DIRAS2: variants seen among roughly 807,000 people sequenced by gnomAD.
DIRAS2 encodes the protein DIRAS family GTPase 2, also known as GTP-binding protein Di-Ras2.
In DIRAS2, 5 loss-of-function variants were observed where a neutral mutation model predicts 13.9. That is an observed-to-expected ratio of 0.36 (90% confidence interval 0.19 to 0.76). The LOEUF (loss-of-function observed/expected upper bound fraction) is 0.76. Ranked by LOEUF, DIRAS2 falls within the 30% of genes least tolerant of loss-of-function variation. The pLI is 0.53. For synonymous variants in DIRAS2, 111 were observed against 105.4 expected (o/e 1.05, Z -0.33); for missense variants, 191 against 263.0 (o/e 0.73, Z 1.89).
At chr9:90,642,608 C>G (rs1436056336) in intron 1 of DIRAS2, 144 bp downstream of exon 1, 1 of 153,006 alleles carries the variant, frequency 6.5e-6, no homozygotes, top group Non-Finnish European at 1.5e-5. Flanking sequence ...GATTTCTTCC[C>G]CTCTTACCAA....
chr9:90,638,597 G>A (rs1825391501), intron 1 of DIRAS2, among the ~76,000 whole-genome samples: 1 of 151,958 alleles, frequency 6.6e-6, no homozygotes, highest in Non-Finnish European at 1.5e-5. Flanking sequence ...TCAGATGATT[G>A]TTTTATAGGC....
intron 1 of DIRAS2, among the ~76,000 whole-genome samples, chr9:90,616,916 G>T (rs527353010): frequency 6.6e-6 from 1 of 152,088 alleles, no homozygotes; most frequent in South Asian, 2.1e-4. Context: ...GCCCCACTTC[G>T]CAGATGCTGT....
chr9:90,618,735 A>G (rs1304357619), intron 1 of DIRAS2, among the ~76,000 whole-genome samples: 1 of 152,260 alleles, frequency 6.6e-6, no homozygotes, highest in Non-Finnish European at 1.5e-5. Context: ...AGACTTAAAA[A>G]GACATTTCTC....
rs752384572 is a variant in DIRAS2 at position 90,613,247 on chromosome 9, C to G, written c.581G>C (p.Gly194Ala). 1 of 1,613,452 alleles carries G rather than the reference C, an allele frequency of 6.2e-7. No individual in the cohort carries two copies. Among genetic ancestry groups the G allele is most frequent in the Non-Finnish European group, 8.5e-7 (1 of 1,179,810 alleles). The part of the protein sequence containing the change: ...KQQKRKEKLK[G>A]KCVIM ...GGGCCTTCACATGATCACGCACTTG[C>G]CTTTGAGCTTCTCTTTCCTTTTCTG... is the stretch of plus-strand genomic sequence containing the variant. Residue 194 changes from glycine (G) to alanine (A), a missense_variant, in exon 2 of 2, where the codon GGC becomes GCC. Transcript: ENST00000375765. This position sits in a 1 kb window ranked among gnomAD's most constrained non-coding sequence, Gnocchi z 5.6.
Position 90,610,347 on chromosome 9 carries a change from G to A in DIRAS2, c.*2881C>T, listed in dbSNP as rs1825098834. ...GATAAATTATATATTTTATATACATGTAATTTTAGATAGAATGAACAATTC... is the reference window on the plus strand; with the variant it reads ...GATAAATTATATATTTTATATACATATAATTTTAGATAGAATGAACAATTC... On this transcript the variant is annotated 3_prime_UTR_variant, in exon 2 of 2. Coordinates refer to ENST00000375765, the MANE Select transcript of DIRAS2 (RefSeq NM_017594.5). 1.5e-5 allele frequency: 6 copies of A among 398,800 alleles called. No individual in the cohort carries two copies. Among genetic ancestry groups the A allele is most frequent in the Non-Finnish European group, 1.8e-5 (4 of 226,010 alleles). The allele number at this position is 398,800 out of a possible 1,614,324, so 24.7% of individuals were successfully genotyped here. A position where few individuals can be genotyped will look rare whatever the true frequency, so the allele number is the denominator to read the frequency against.
In DIRAS2 at chr9:90,610,977, C is replaced by T. The variant is rs1157301048; in HGVS notation, c.*2251G>A. 6.6e-6 allele frequency: 1 copy of T among 152,190 alleles called. No homozygotes were observed. Among genetic ancestry groups the T allele is most frequent in the African/African-American group, 2.4e-5 (1 of 41,444 alleles). The allele number at this position is 152,190 out of a possible 1,614,324, so 9.4% of individuals were successfully genotyped here. ...TGGGATGGTTTGCAGGAATATCTCA[C>T]ATTAAAACCTTATTAATACTACAGT... On this transcript the variant is annotated 3_prime_UTR_variant, in exon 2 of 2. Transcript: ENST00000375765.
At position 90,612,866 on chromosome 9, in the gene DIRAS2, G is replaced by A. The variant is rs564695936; in HGVS notation, c.*362C>T. On this transcript the variant is annotated 3_prime_UTR_variant, in exon 2 of 2. Coordinates refer to ENST00000375765, the MANE Select transcript of DIRAS2 (RefSeq NM_017594.5). ...GGTGCAGGTAACTCTAGGTTAACACGCTCTCACATGCACGTAGATGACATT... is the reference window on the plus strand; with the variant it reads ...GGTGCAGGTAACTCTAGGTTAACACACTCTCACATGCACGTAGATGACATT... The A allele has an allele frequency of 3.3e-5, 8 of 244,834 alleles. No individual in the cohort carries two copies. The highest frequency in any genetic ancestry group is 3.1e-4 in the Admixed American group (6 of 19,566). The allele number at this position is 244,834 out of a possible 1,614,324, so 15.2% of individuals were successfully genotyped here.
At chr9:90,630,087 T>G (rs561356830) in intron 1 of DIRAS2, among the ~76,000 whole-genome samples, 1 of 152,302 alleles carries the variant, frequency 6.6e-6, no homozygotes, top group East Asian at 1.9e-4. Flanking sequence ...TCTCTCTCTC[T>G]CCTACTCCCT....
intron 1 of DIRAS2, among the ~76,000 whole-genome samples, chr9:90,634,608 A>T (rs1031478193): frequency 6.6e-6 from 1 of 152,212 alleles, no homozygotes; most frequent in Non-Finnish European, 1.5e-5. Context: ...AGGAACTCCT[A>T]TGGGGAGATG....
intron 1 of DIRAS2, among the ~76,000 whole-genome samples, chr9:90,629,010 A>G (rs1825299157): frequency 6.6e-6 from 1 of 151,928 alleles, no homozygotes; most frequent in East Asian, 1.9e-4. Flanking sequence ...GCCCGCCACC[A>G]CGCCCGGCTA....
rs1177460741 is a variant in DIRAS2 at position 90,612,454 on chromosome 9, C to A, written c.*774G>T. On this transcript the variant is annotated 3_prime_UTR_variant, in exon 2 of 2. Coordinates refer to ENST00000375765, the MANE Select transcript of DIRAS2 (RefSeq NM_017594.5). The stretch of plus-strand genomic sequence containing the variant: ...AAAGAAGAAAATCACATTTCTAAAA[C>A]CCTCGATGTATAACACACAGGAACA... 1 of 152,356 alleles carries A rather than the reference C, an allele frequency of 6.6e-6. No individual in the cohort carries two copies. 9.4% of individuals were successfully genotyped at this position (152,356 alleles called of 1,614,324 possible).
Position 90,633,611 on chromosome 9 carries a change from G to A in DIRAS2, c.-37+9141C>T, listed in dbSNP as rs77860189. The stretch of plus-strand genomic sequence containing the variant: ...GGAAGCCAAGTGTGTGGATGAGATC[G>A]TTTGCAAGAACAAAGAGAAAGGAGT... On this transcript the variant is annotated intron_variant, in intron 1 of 1. Transcript: ENST00000375765. Among the ~76,000 whole-genome samples the A allele has an allele frequency of 3.3e-3, 499 of 152,326 alleles. 4 individuals carry two copies. Among genetic ancestry groups the A allele is most frequent in the South Asian group, 0.022 (108 of 4,826 alleles).
chr9:90,618,400 C>T (rs1564019014), intron 1 of DIRAS2, among the ~76,000 whole-genome samples: 1 of 152,194 alleles, frequency 6.6e-6, no homozygotes, highest in African/African-American at 2.4e-5. Flanking sequence ...TCACACCATA[C>T]ACAAAACTGA....
chr9:90,641,259 C>G (rs1206176342), intron 1 of DIRAS2, among the ~76,000 whole-genome samples: 2 of 152,142 alleles, frequency 1.3e-5, no homozygotes, highest in African/African-American at 4.8e-5. Flanking sequence ...TCTATTAAAG[C>G]TGTAACAAAG....
intron 1 of DIRAS2, among the ~76,000 whole-genome samples, chr9:90,622,372 C>G (rs1249226139): frequency 2.0e-5 from 3 of 152,140 alleles, no homozygotes; most frequent in Non-Finnish European, 4.4e-5. Context: ...ACTGGACCCA[C>G]TGAGAGAAGG....
intron 1 of DIRAS2, among the ~76,000 whole-genome samples, chr9:90,619,935 T>C (rs1825204221): frequency 6.6e-6 from 1 of 151,982 alleles, no homozygotes. Context: ...AAGAAGCCAG[T>C]AGCAAAAGAC....
chr9:90,627,543 T>C (rs1454121742), intron 1 of DIRAS2, among the ~76,000 whole-genome samples: 1 of 152,214 alleles, frequency 6.6e-6, no homozygotes, highest in Non-Finnish European at 1.5e-5. Flanking sequence ...GGACAGTTGT[T>C]GTTTCATGAG....
Position 90,610,409 on chromosome 9 carries a change from C to A in DIRAS2, c.*2819G>T. On this transcript the variant is annotated 3_prime_UTR_variant, in exon 2 of 2. Transcript: ENST00000375765. ...TGTGTTGGTCTTGCTGCATTGTATG[C>A]ATGCCCATGGCTTGTCGCTGGATGG... 1 of 398,980 alleles carries A rather than the reference C, an allele frequency of 2.5e-6. No individual in the cohort carries two copies. The highest frequency in any genetic ancestry group is 4.4e-6 in the Non-Finnish European group (1 of 226,044). 24.7% of individuals were successfully genotyped at this position (398,980 alleles called of 1,614,324 possible).
intron 1 of DIRAS2, chr9:90,625,808 A>C (rs1477461718): frequency 6.6e-6 from 1 of 152,202 alleles, no homozygotes; most frequent in African/African-American, 2.4e-5. Context: ...GGCCCTTTGT[A>C]ATTCCATACA....
Sources: allele counts gnomAD v4.1 joint callset (sites outside exome capture counted in the v4.1 genomes callset), GRCh38; gene constraint gnomAD v4.1.1; non-coding constraint Gnocchi (gnomAD v3.1); transcripts MANE v1.5; gene names NCBI Gene and HGNC (gene_info 2026-07-23, HGNC 2026-07-21).